The following SPAG16 variants were observed in gnomAD, a reference collection of about 807,000 sequenced individuals.
SPAG16 encodes the protein sperm-associated antigen 16 protein.
Under a neutral mutation model 80.4 loss-of-function variants are expected in SPAG16, and 86 were observed. The ratio of observed to expected loss-of-function variants is 1.07; its 90% CI spans 0.90 to 1.28. SPAG16 has a LOEUF of 1.28. Ranked by LOEUF, SPAG16 falls within the 50% of genes most tolerant of loss-of-function variation. SPAG16 has a pLI of 0.00. For synonymous variants in SPAG16, 294 were observed against 265.9 expected, an observed-to-expected ratio of 1.11 and a Z score of -1.03; for missense variants, 870 against 765.3, an observed-to-expected ratio of 1.14 and a Z score of -1.61.
chr2:214,259,840 C>T (rs1027516249), intron 15 of SPAG16, among the ~76,000 whole-genome samples: 3 of 152,110 alleles, frequency 2.0e-5, no homozygotes, highest in Non-Finnish European at 2.9e-5. Context: ...TATCCAGCTG[C>T]GTTATCTACA....
intron 9 of SPAG16, among the ~76,000 whole-genome samples, chr2:213,424,670 C>A (rs2069798965): frequency 6.6e-6 from 1 of 152,236 alleles, no homozygotes; most frequent in Admixed American, 6.5e-5. Context: ...ATTTATGCAC[C>A]ATTAAGATCT....
chr2:213,440,167 A>G (rs542365227), intron 9 of SPAG16, among the ~76,000 whole-genome samples: 13 of 152,318 alleles, frequency 8.5e-5, no homozygotes, highest in African/African-American at 2.9e-4. Context: ...TGGGCCATGA[A>G]TAAGCAATAT....
intron 11 of SPAG16, among the ~76,000 whole-genome samples, chr2:213,917,180 G>C (rs1381358343): frequency 6.6e-6 from 1 of 152,072 alleles, no homozygotes; most frequent in Admixed American, 6.6e-5. Context: ...GGTTACTGTA[G>C]TCTAGTAGTA....
chr2:214,019,273 T>G (rs1448489178), intron 13 of SPAG16, among the ~76,000 whole-genome samples: 1 of 116,198 alleles, frequency 8.6e-6, no homozygotes, highest in Non-Finnish European at 1.8e-5. Context: ...GTGAAAATAT[T>G]AAGGCTTTTT....
intron 9 of SPAG16, among the ~76,000 whole-genome samples, chr2:213,420,939 G>A (rs2069545220): frequency 6.6e-6 from 1 of 152,232 alleles, no homozygotes; most frequent in South Asian, 2.1e-4. Flanking sequence ...TGGCCCATCT[G>A]GAGTGGCTGC....
At chr2:213,323,688 C>G (rs1006823023) in intron 5 of SPAG16, among the ~76,000 whole-genome samples, 5 of 152,162 alleles carry the variant, frequency 3.3e-5, no homozygotes, top group Non-Finnish European at 7.3e-5. Context: ...GTGTTCATTA[C>G]AGCATTATTC....
intron 13 of SPAG16, among the ~76,000 whole-genome samples, chr2:214,018,222 T>C (rs2047685292): frequency 6.6e-6 from 1 of 152,118 alleles, no homozygotes; most frequent in Admixed American, 6.6e-5. Flanking sequence ...TAGGCAACTG[T>C]GGCGACTTCA....
intron 10 of SPAG16, among the ~76,000 whole-genome samples, chr2:213,678,934 G>A (rs2064238558): frequency 6.6e-6 from 1 of 152,094 alleles, no homozygotes; most frequent in South Asian, 2.1e-4. Context: ...ACTTCCTCCT[G>A]TCAAGACTTG....
chr2:213,494,099 GC>G (rs1192530256), intron 10 of SPAG16, among the ~76,000 whole-genome samples: 1 of 152,090 alleles, frequency 6.6e-6, no homozygotes, highest in Non-Finnish European at 1.5e-5. Context: ...TAGTTTTCCT[GC>G]TGACTCCCAG....
Position 213,538,839 on chromosome 2 carries a change from C to A in SPAG16, c.1070+48749C>A, listed in dbSNP as rs183911002. ...CGTATCTATTTATCTATTTATCTATCTATTATCTATCTATCATCTATATAT... is the reference window on the plus strand; with the variant it reads ...CGTATCTATTTATCTATTTATCTATATATTATCTATCTATCATCTATATAT... On this transcript the variant is annotated intron_variant, in intron 10 of 15. Coordinates refer to ENST00000331683, the MANE Select transcript of SPAG16 (RefSeq NM_024532.5). Among the ~76,000 whole-genome samples the A allele has an allele frequency of 5.0e-4, 76 of 152,090 alleles. 1 individual carries two copies. Among genetic ancestry groups the A allele is most frequent in the African/African-American group, 1.8e-3 (74 of 41,538 alleles).
intron 15 of SPAG16, among the ~76,000 whole-genome samples, chr2:214,250,733 G>GATATATATATAT (rs59644776): frequency 2.7e-5 from 3 of 112,352 alleles, no homozygotes; most frequent in African/African-American, 1.0e-4. Context: ...GGAGCTTTGA[G>GATATATATATAT]ATATATATAT....
At chr2:213,681,843 CCT>C (rs2064404151) in intron 10 of SPAG16, among the ~76,000 whole-genome samples, 1 of 151,922 alleles carries the variant, frequency 6.6e-6, no homozygotes, top group Admixed American at 6.6e-5. Context: ...TTGGCTTTTC[CCT>C]CTTTCTTCTT....
intron 15 of SPAG16, among the ~76,000 whole-genome samples, chr2:214,340,639 A>G (rs1018920438): frequency 2.0e-5 from 3 of 152,044 alleles, no homozygotes; most frequent in Non-Finnish European, 2.9e-5. Flanking sequence ...CTTACCACAA[A>G]CTTAGCAGCT....
chr2:213,426,883 AG>A lies in SPAG16; in HGVS notation c.942+51767del, dbSNP rs1559121832. 2.7e-3 allele frequency among the ~76,000 whole-genome samples: 390 copies of A among 143,898 alleles called. 4 individuals are homozygous for A. The highest frequency in any genetic ancestry group is 9.1e-3 in the African/African-American group (359 of 39,476). 94.4% of individuals were successfully genotyped at this position (143,898 alleles called of 152,430 possible). A position where few individuals can be genotyped will look rare whatever the true frequency, so the allele number is the denominator to read the frequency against. The stretch of plus-strand genomic sequence containing the variant: ...CACACACACACACACACACACACAC[AG>A]GGCTACACTCTATAGGATCCTTTAT... On this transcript the variant is annotated intron_variant, in intron 9 of 15. Coordinates refer to ENST00000331683, the MANE Select transcript of SPAG16 (RefSeq NM_024532.5).
intron 12 of SPAG16, among the ~76,000 whole-genome samples, chr2:213,981,622 A>C (rs2045749884): frequency 6.6e-6 from 1 of 152,126 alleles, no homozygotes; most frequent in African/African-American, 2.4e-5. Context: ...GCGTACCTAT[A>C]GGTGGACTTG....
chr2:214,168,975 T>A (rs1576402390), intron 15 of SPAG16, among the ~76,000 whole-genome samples: 1 of 152,232 alleles, frequency 6.6e-6, no homozygotes, highest in Non-Finnish European at 1.5e-5. Flanking sequence ...CAATTAAACA[T>A]TGAATTAAAT....
chr2:213,463,055 C>G (rs2072473360), intron 9 of SPAG16, among the ~76,000 whole-genome samples: 2 of 152,172 alleles, frequency 1.3e-5, no homozygotes, highest in South Asian at 2.1e-4. Flanking sequence ...CTGAGGTTGT[C>G]TGAGATGGAA....
chr2:214,303,442 A>G (rs1335360520), intron 15 of SPAG16, among the ~76,000 whole-genome samples: 2 of 152,222 alleles, frequency 1.3e-5, no homozygotes, highest in African/African-American at 2.4e-5. Flanking sequence ...CTCCACAAAC[A>G]GTGCCCTTAT....
chr2:214,363,645 A>C (rs1413239690), intron 15 of SPAG16, among the ~76,000 whole-genome samples: 1 of 152,050 alleles, frequency 6.6e-6, no homozygotes, highest in African/African-American at 2.4e-5. Flanking sequence ...TTCAGAGTAC[A>C]CAAGCAATGG....
Sources: gnomAD v4.1 joint callset for allele counts (sites outside exome capture counted in the v4.1 genomes callset) on GRCh38, gnomAD v4.1.1 for gene constraint, MANE v1.5 for transcripts, NCBI Gene and HGNC (gene_info 2026-07-23, HGNC 2026-07-21) for gene names.